Variants in RORA observed in about 807,000 individuals in gnomAD.
The protein encoded by RORA is nuclear receptor ROR-alpha.
RORA carries 7 observed loss-of-function variants against 69.5 expected under a neutral mutation model. The observed-to-expected ratio is 0.10, with a 90% confidence interval of 0.06 to 0.19. The LOEUF is 0.19. RORA is among the 10% of genes least tolerant of loss of function. RORA has a pLI of 1.00. For missense variants in RORA, 457 were observed against 663.0 expected (o/e 0.69, Z 3.41); for synonymous variants, 261 against 240.8 (o/e 1.08, Z -0.78).
chr15:60,746,541 A>G (rs1247877105), intron 1 of RORA, among the ~76,000 whole-genome samples: 2 of 152,194 alleles, frequency 1.3e-5, no homozygotes, highest in African/African-American at 4.8e-5. Context: ...ACCTTCAACT[A>G]CCTGTGATCA....
At chr15:60,908,807 C>T (rs755701688) in intron 1 of RORA, among the ~76,000 whole-genome samples, 3 of 152,058 alleles carry the variant, frequency 2.0e-5, no homozygotes, top group Non-Finnish European at 2.9e-5. Context: ...AGAATTGAGG[C>T]GATTATGCCC....
At chr15:60,646,842 T>C (rs1420940074) in intron 2 of RORA, among the ~76,000 whole-genome samples, 1 of 152,230 alleles carries the variant, frequency 6.6e-6, no homozygotes, top group Admixed American at 6.5e-5. Context: ...ACATAGCTCC[T>C]GTGGGACTCC....
intron 2 of RORA, among the ~76,000 whole-genome samples, chr15:60,535,739 T>G (rs376958742): frequency 6.6e-6 from 1 of 152,214 alleles, no homozygotes; most frequent in African/African-American, 2.4e-5. Context: ...TACTTCATTC[T>G]GTGGGTGAGT....
Position 61,061,806 on chromosome 15 carries a change from T to C in RORA, c.166+167247A>G, listed in dbSNP as rs1300574161. Among the ~76,000 whole-genome samples, 3 of 152,136 alleles carry C rather than the reference T, an allele frequency of 2.0e-5. No individual in the cohort carries two copies. Among genetic ancestry groups the C allele is most frequent in the African/African-American group, 4.8e-5 (2 of 41,418 alleles). ...GGCCGGGCACGGTGGTTCACGCCTG[T>C]AACCCCAGCACTTTGGGAGGCCAAG... On this transcript the variant is annotated intron_variant, in intron 1 of 10. Transcript: ENST00000335670. This position sits in a 1 kb window ranked among gnomAD's most constrained non-coding sequence, Gnocchi z 4.4.
chr15:61,119,077 C>T (rs927141610), intron 1 of RORA, among the ~76,000 whole-genome samples: 2 of 16,786 alleles, frequency 1.2e-4, no homozygotes, highest in Non-Finnish European at 2.0e-4. Flanking sequence ...ATGCAGTTAA[C>T]AGAAGGGGGG....
At chr15:60,859,648 T>TTTC (rs1230628340) in intron 1 of RORA, among the ~76,000 whole-genome samples, 1 of 86,426 alleles carries the variant, frequency 1.2e-5, no homozygotes, top group South Asian at 4.5e-4. Flanking sequence ...TCTTTCTTTC[T>TTTC]TTCTTTCTTT....
intron 1 of RORA, among the ~76,000 whole-genome samples, chr15:60,894,371 C>A (rs1891170806): frequency 6.6e-6 from 1 of 152,206 alleles, no homozygotes; most frequent in Non-Finnish European, 1.5e-5. Context: ...ACCCTAACGA[C>A]AATCCTGTAA....
At chr15:60,594,242 A>C (rs2068618138) in intron 2 of RORA, among the ~76,000 whole-genome samples, 1 of 152,236 alleles carries the variant, frequency 6.6e-6, no homozygotes, top group Non-Finnish European at 1.5e-5. Flanking sequence ...CAATTATGAA[A>C]TTAAATCACA....
At chr15:61,076,126 C>T (rs559983132) in intron 1 of RORA, among the ~76,000 whole-genome samples, 1 of 152,296 alleles carries the variant, frequency 6.6e-6, no homozygotes, top group South Asian at 2.1e-4. Context: ...GGGATGCAGA[C>T]CCGTGATTCT....
At chr15:61,209,333 G>A (rs982925369) in intron 1 of RORA, among the ~76,000 whole-genome samples, 5 of 151,884 alleles carry the variant, frequency 3.3e-5, no homozygotes, top group African/African-American at 1.2e-4. Flanking sequence ...AATTACCTTG[G>A]GTTTCACTAC....
chr15:60,859,010 A>C (rs1219710433), intron 1 of RORA, among the ~76,000 whole-genome samples: 1 of 148,876 alleles, frequency 6.7e-6, no homozygotes, highest in African/African-American at 2.5e-5. Context: ...GGGGCTTGGG[A>C]ATGAATTGGG....
intron 6 of RORA, 52 bp from the exon 7 acceptor site, chr15:60,503,719 T>C: frequency 6.2e-7 from 1 of 1,602,384 alleles, no homozygotes; most frequent in East Asian, 2.2e-5. Context: ...TTAGCTTTTG[T>C]AGCAGAAGCT....
At chr15:60,816,069 A>AAACAGTATATGTATACTG (rs2072811368) in intron 1 of RORA, among the ~76,000 whole-genome samples, 1 of 123,876 alleles carries the variant, frequency 8.1e-6, no homozygotes, top group Non-Finnish European at 1.6e-5. Context: ...TTTATATACT[A>AAACAGTATATGTATACTG]TAAACAGTAT....
chr15:60,686,427 A>G (rs2070749583), intron 1 of RORA, among the ~76,000 whole-genome samples: 1 of 152,024 alleles, frequency 6.6e-6, no homozygotes, highest in South Asian at 2.1e-4. Context: ...TAAGAATCAT[A>G]AGAAGCCTTA....
At chr15:60,702,478 C>G (rs569398974) in intron 1 of RORA, among the ~76,000 whole-genome samples, 1 of 151,994 alleles carries the variant, frequency 6.6e-6, no homozygotes, top group Non-Finnish European at 1.5e-5. Context: ...GTGATCCGCC[C>G]GCCTCGGCCT....
intron 1 of RORA, among the ~76,000 whole-genome samples, chr15:61,206,844 A>G (rs1407375570): frequency 6.6e-6 from 1 of 152,142 alleles, no homozygotes; most frequent in Non-Finnish European, 1.5e-5. Flanking sequence ...CTTTCTCCAC[A>G]AGAATCCTAC....
chr15:60,637,122 A>G (rs2069855438), intron 2 of RORA, among the ~76,000 whole-genome samples: 1 of 152,116 alleles, frequency 6.6e-6, no homozygotes, highest in Non-Finnish European at 1.5e-5. Flanking sequence ...ATCAAAGAGT[A>G]TCATCATTTT....
intron 2 of RORA, among the ~76,000 whole-genome samples, chr15:60,566,621 T>C (rs1035262306): frequency 2.6e-5 from 4 of 152,234 alleles, no homozygotes; most frequent in African/African-American, 4.8e-5. Flanking sequence ...GATGAATACA[T>C]GGTAGCAACT....
At chr15:61,063,910 C>A (rs964595043) in intron 1 of RORA, among the ~76,000 whole-genome samples, 29 of 152,162 alleles carry the variant, frequency 1.9e-4, no homozygotes, top group South Asian at 2.1e-4. Context: ...CTAGGAAAGC[C>A]AAGTTCTTGT....
Sources: allele counts gnomAD v4.1 joint callset (sites outside exome capture counted in the v4.1 genomes callset), GRCh38; gene constraint gnomAD v4.1.1; non-coding constraint Gnocchi (gnomAD v3.1); transcripts MANE v1.5; gene names NCBI Gene and HGNC (gene_info 2026-07-23, HGNC 2026-07-21).